The following DROSHA variants were observed in gnomAD, a reference collection of about 807,000 sequenced individuals.
The protein encoded by DROSHA is ribonuclease 3.
Under a neutral mutation model 181.9 loss-of-function variants are expected in DROSHA, and 56 were observed. That is an observed-to-expected ratio of 0.31 (90% CI 0.25 to 0.38). The LOEUF is 0.38. Among genes scored for constraint, DROSHA ranks in the 10% least tolerant of loss-of-function variants. The pLI is 1.00. For synonymous variants in DROSHA, 524 were observed against 591.2 expected (o/e 0.89, Z 1.65); for missense variants, 1,218 against 1,743.5 (o/e 0.70, Z 5.37).
intron 23 of DROSHA, among the ~76,000 whole-genome samples, chr5:31,439,860 C>T (rs1361269823): frequency 3.9e-5 from 6 of 152,098 alleles, no homozygotes; most frequent in Admixed American, 1.3e-4. Context: ...AAGGAGGACA[C>T]GCAGAGCCCA....
Position 31,401,308 on chromosome 5 carries a change from G to T in DROSHA, c.*124C>A. 2 of 1,285,522 alleles carry T rather than the reference G, an allele frequency of 1.6e-6. No individual in the cohort carries two copies. The highest frequency in any genetic ancestry group is 1.1e-6 in the Non-Finnish European group (1 of 895,508). The allele number at this position is 1,285,522 out of a possible 1,614,324, so 79.6% of individuals were successfully genotyped here. ...ATCATTAAAACAACAATAGCGATTT[G>T]ACTCTGTATTTTATTTCAATGAGCA... is the stretch of plus-strand genomic sequence containing the variant. On this transcript the variant is annotated 3_prime_UTR_variant, in exon 36 of 36. Transcript: ENST00000344624.
At chr5:31,427,280 G>A (rs1323829925) in intron 27 of DROSHA, among the ~76,000 whole-genome samples, 4 of 152,118 alleles carry the variant, frequency 2.6e-5, no homozygotes, top group Non-Finnish European at 4.4e-5. Flanking sequence ...CTTTCTAAGC[G>A]GGCCATTAAC....
At chr5:31,408,281 A>C (rs1740886376) in intron 33 of DROSHA, among the ~76,000 whole-genome samples, 1 of 152,212 alleles carries the variant, frequency 6.6e-6, no homozygotes, top group African/African-American at 2.4e-5. Flanking sequence ...ACATGGGGTG[A>C]AACAGTTTTG....
At chr5:31,467,800 G>T in intron 18 of DROSHA, 139 bp downstream of exon 18, 1 of 1,109,016 alleles carries the variant, frequency 9.0e-7, no homozygotes, top group South Asian at 1.9e-5. Flanking sequence ...GTTTCATTTG[G>T]GTAATCTAAA....
intron 30 of DROSHA, among the ~76,000 whole-genome samples, chr5:31,416,060 A>G (rs1293883663): frequency 6.6e-6 from 1 of 152,194 alleles, no homozygotes; most frequent in African/African-American, 2.4e-5. Context: ...CAAAACTTGA[A>G]AGCCATATTA....
intron 30 of DROSHA, among the ~76,000 whole-genome samples, chr5:31,416,411 T>C (rs958337836): frequency 6.6e-6 from 1 of 152,208 alleles, no homozygotes; most frequent in African/African-American, 2.4e-5. Context: ...GGGCCTATCA[T>C]ATGCCAGGCA....
rs759311633 is a variant in DROSHA, at chr5:31,401,318, T to G, written c.*114A>C. The G allele has an allele frequency of 2.8e-6, 4 of 1,405,528 alleles. No homozygotes were observed. The Admixed American group carries it at 5.1e-5, about 18-fold the overall frequency. The allele number at this position is 1,405,528 out of a possible 1,614,324, so 87.1% of individuals were successfully genotyped here. On this transcript the variant is annotated 3_prime_UTR_variant, in exon 36 of 36. Coordinates refer to ENST00000344624, the MANE Select transcript of DROSHA (RefSeq NM_001382508.1). ...CAACAATAGCGATTTGACTCTGTAT[T>G]TTATTTCAATGAGCACACTTCATTC... is the stretch of plus-strand genomic sequence containing the variant.
rs746471691 is a variant in DROSHA at position 31,508,681 on chromosome 5, T to C, written c.1527A>G (p.Lys509=). ...SEVFDVIAEI[K]RKKAHPDRLH... ...GTCGGTCAGGGTGGGCCTTTTTGCGTTTGATTTCTGCAATAACGTCAAAAA... is the reference window on the plus strand; with the variant it reads ...GTCGGTCAGGGTGGGCCTTTTTGCGCTTGATTTCTGCAATAACGTCAAAAA... Residue 509 remains lysine (K), a synonymous_variant, in exon 10 of 36, where the codon AAA becomes AAG. Transcript: ENST00000344624. The C allele has an allele frequency of 1.5e-5, 25 of 1,613,788 alleles. No individual in the cohort carries two copies. The highest frequency in any genetic ancestry group is 1.9e-5 in the Non-Finnish European group (23 of 1,179,878).
intron 28 of DROSHA, among the ~76,000 whole-genome samples, chr5:31,423,641 C>T (rs1743054791): frequency 6.6e-6 from 1 of 152,076 alleles, no homozygotes; most frequent in Non-Finnish European, 1.5e-5. Flanking sequence ...CAACTTTGGG[C>T]ACTCATGTAT....
Position 31,493,274 on chromosome 5 carries a change from A to G in DROSHA, c.1775T>C (p.Ile592Thr), listed in dbSNP as rs768481311. ...TNFLTDRPTVIEYDDHEYIFE... is the reference protein window; with the variant it reads ...TNFLTDRPTVTEYDDHEYIFE... ...GATATACTCGTGATCATCGTATTCT[A>G]TAACAGTTGGCCTGTCAGTCTAAAA... The change falls in exon 13 of 36, where the codon ATA (isoleucine) becomes ACA (threonine). Residue 592 changes from isoleucine to threonine, a missense_variant. Physicochemically the swap from Ile to Thr is moderately conservative, Grantham distance 89. Around this residue, in one of 8 missense-constraint regions of DROSHA, gnomAD observed 460 missense variants for 774.2 expected, o/e 0.59. Transcript: ENST00000344624. 1.2e-5 allele frequency: 19 copies of G among 1,602,792 alleles called. No homozygotes were observed. In the Middle Eastern group the frequency reaches 4.9e-4, roughly 42 times the overall value.
At chr5:31,405,764 ATTC>A (rs1740569361) in intron 34 of DROSHA, 41 bp from the exon 35 acceptor site, 13 of 545,246 alleles carry the variant, frequency 2.4e-5, no homozygotes, top group African/African-American at 5.8e-5. Context: ...TAATTTCAAG[ATTC>A]TTTTTTTTTT....
At chr5:31,467,917 C>T (rs1328811238) in intron 18 of DROSHA, 22 bp downstream of exon 18, 1 of 1,608,522 alleles carries the variant, frequency 6.2e-7, no homozygotes, top group Non-Finnish European at 8.5e-7. Flanking sequence ...TTGGCTAAGA[C>T]AAACACTGAG....
At chr5:31,416,551 G>C (rs547621176) in intron 30 of DROSHA, among the ~76,000 whole-genome samples, 1 of 152,126 alleles carries the variant, frequency 6.6e-6, no homozygotes, top group African/African-American at 2.4e-5. Context: ...GGATGGGTAA[G>C]GGTGGTCAGG....
intron 30 of DROSHA, among the ~76,000 whole-genome samples, chr5:31,420,288 G>A (rs1321414725): frequency 6.6e-6 from 1 of 152,196 alleles, no homozygotes; most frequent in African/African-American, 2.4e-5. Flanking sequence ...GTATCTTGCA[G>A]TGTACCAGTA....
intron 10 of DROSHA, 92 bp from the exon 11 acceptor site, chr5:31,504,727 C>T: frequency 7.6e-7 from 1 of 1,318,996 alleles, no homozygotes; most frequent in Non-Finnish European, 1.1e-6. Context: ...GTTTTAATGT[C>T]ATGAGCGCTG....
In DROSHA at chr5:31,453,968, G is replaced by A. The variant is rs1195566528; in HGVS notation, c.2575-2328C>T. 6.9e-5 allele frequency among the ~76,000 whole-genome samples: 10 copies of A among 144,790 alleles called. No homozygotes were observed. In the East Asian group the frequency reaches 1.4e-3, roughly 20 times the overall value. 95.0% of individuals were successfully genotyped at this position (144,790 alleles called of 152,430 possible). ...ACCCTCAAATTCTCCCATAAAAATA[G>A]AGCAACTAGACTAGCAAAATGAAAG... On this transcript the variant is annotated intron_variant, in intron 20 of 35. Transcript: ENST00000344624.
At position 31,511,072 on chromosome 5, in the gene DROSHA, C is replaced by T. The variant is rs752203707; in HGVS notation, c.1395G>A (p.Pro465=). Reference sequence around the variant, plus strand: ...CGAGCTTCGTCTTTGGAGGTTCCCACGGAGGCCGAGCAGCTTTGGCCTTTT... The same window carrying T: ...CGAGCTTCGTCTTTGGAGGTTCCCATGGAGGCCGAGCAGCTTTGGCCTTTT... ...RQEKAKAARP[P]WEPPKTKLDE... The change falls in exon 9 of 36, where the codon CCG becomes CCA. Residue 465 remains proline, a synonymous_variant. Coordinates refer to ENST00000344624, the MANE Select transcript of DROSHA (RefSeq NM_001382508.1). The T allele has an allele frequency of 9.3e-6, 15 of 1,613,842 alleles. No individual in the cohort carries two copies. The highest frequency in any genetic ancestry group is 1.1e-5 in the Non-Finnish European group (13 of 1,179,894).
chr5:31,458,733 G>A (rs73749325), intron 20 of DROSHA, among the ~76,000 whole-genome samples: 2,085 of 152,302 alleles, frequency 0.014, 52 homozygotes, highest in African/African-American at 0.048. Context: ...AAAGTGTGGT[G>A]AGGGCAACTG....
chr5:31,518,882 T>C (rs1739563305), intron 6 of DROSHA, among the ~76,000 whole-genome samples: 1 of 152,242 alleles, frequency 6.6e-6, no homozygotes, highest in Non-Finnish European at 1.5e-5. Context: ...CCCATCCTTT[T>C]AAGCAGGCGT....
Sources: gnomAD v4.1 joint callset for allele counts (sites outside exome capture counted in the v4.1 genomes callset) on GRCh38, gnomAD v4.1.1 for gene constraint, gnomAD v4.1.1 regional missense constraint, MANE v1.5 for transcripts, NCBI Gene and HGNC (gene_info 2026-07-23, HGNC 2026-07-21) for gene names.